Variants in NFIB observed in about 807,000 individuals in gnomAD.
NFIB encodes the protein nuclear factor I B, also known as nuclear factor 1 B-type.
NFIB carries 11 observed loss-of-function variants against 61.5 expected under a neutral mutation model. That is an observed-to-expected ratio of 0.18 (90% CI 0.11 to 0.30). NFIB has a LOEUF of 0.30. Among genes scored for constraint, NFIB ranks in the 10% least tolerant of loss-of-function variants. NFIB has a pLI of 1.00. For synonymous variants in NFIB, 260 were observed against 216.5 expected (o/e 1.20, Z -1.76); for missense variants, 471 against 608.9 (o/e 0.77, Z 2.38).
At chr9:14,413,966 A>G in the NFIB span, among the ~76,000 whole-genome samples, 5 of 152,222 alleles carry the variant, frequency 3.3e-5, no homozygotes, top group Admixed American at 6.5e-5. Context: ...ACTTGGTTCA[A>G]GGGTTTGAAC....
chr9:14,366,537 G>T (rs2061302219), intron 1 of NFIB, among the ~76,000 whole-genome samples: 1 of 151,714 alleles, frequency 6.6e-6, no homozygotes, highest in Admixed American at 6.6e-5. Flanking sequence ...CCAGGCTGGA[G>T]TGCAGTGACA....
intron 2 of NFIB, among the ~76,000 whole-genome samples, chr9:14,275,674 T>C (rs1331886676): frequency 1.3e-5 from 2 of 152,114 alleles, no homozygotes; most frequent in Non-Finnish European, 2.9e-5. Context: ...TGCTATCCTA[T>C]ATGGCATACT....
intron 2 of NFIB, among the ~76,000 whole-genome samples, chr9:14,279,808 A>G (rs1251446238): frequency 1.3e-5 from 2 of 152,188 alleles, no homozygotes; most frequent in Non-Finnish European, 2.9e-5. Flanking sequence ...TCCCAAATGT[A>G]AACAATGGTC....
intron 2 of NFIB, among the ~76,000 whole-genome samples, chr9:14,293,115 C>A (rs996786801): frequency 1.3e-5 from 2 of 152,098 alleles, no homozygotes; most frequent in African/African-American, 4.8e-5. Flanking sequence ...GTTTTCAGTG[C>A]GTTACAATGA....
At chr9:14,097,274 C>G (rs572521070) in intron 10 of NFIB, among the ~76,000 whole-genome samples, 1 of 152,130 alleles carries the variant, frequency 6.6e-6, no homozygotes, top group Non-Finnish European at 1.5e-5. Flanking sequence ...AAAGATTCTT[C>G]CATTCATCTA....
At chr9:14,349,908 C>A (rs370332439) in intron 1 of NFIB, among the ~76,000 whole-genome samples, 135 of 152,302 alleles carry the variant, frequency 8.9e-4, no homozygotes, top group African/African-American at 2.9e-3. Flanking sequence ...TAAGTCACAC[C>A]CCCATTACCG....
chr9:14,406,834 T>C, the NFIB span, among the ~76,000 whole-genome samples: 5 of 152,344 alleles, frequency 3.3e-5, no homozygotes, highest in African/African-American at 1.2e-4. Context: ...TTGAAAACAT[T>C]TGTGGTCTTG....
rs1431285598 is a variant in NFIB, at chr9:14,313,058, G to A, written c.30+424C>T. 6.6e-6 allele frequency among the ~76,000 whole-genome samples: 1 copy of A among 152,214 alleles called. No individual in the cohort carries two copies. The highest frequency in any genetic ancestry group is 6.5e-5 in the Admixed American group (1 of 15,292). ...TACAGTCCCCTCGCCCAAGTTCACT[G>A]GCTGTTTTTAAAAGCTTAGTCCCCC... On this transcript the variant is annotated intron_variant, in intron 1 of 10. Transcript: ENST00000380953. This position sits in a 1 kb window ranked among gnomAD's most constrained non-coding sequence, Gnocchi z 4.5.
At chr9:14,473,489 G>T in the NFIB span, among the ~76,000 whole-genome samples, 6 of 152,198 alleles carry the variant, frequency 3.9e-5, no homozygotes, top group African/African-American at 1.4e-4. Context: ...AGATTCAACA[G>T]GCCTAAAGGA....
At chr9:14,392,463 C>CA (rs879304009) in intron 1 of NFIB, among the ~76,000 whole-genome samples, 1 of 152,200 alleles carries the variant, frequency 6.6e-6, no homozygotes, top group Non-Finnish European at 1.5e-5. Flanking sequence ...CACAGTGGCT[C>CA]AGGCCTATAA....
chr9:14,366,741 C>T (rs2061304622), intron 1 of NFIB, among the ~76,000 whole-genome samples: 3 of 152,122 alleles, frequency 2.0e-5, no homozygotes, highest in South Asian at 2.1e-4. Flanking sequence ...GCCTCGGCCT[C>T]CCAAAGTGTT....
At chr9:14,230,488 G>C (rs1488888103) in intron 2 of NFIB, among the ~76,000 whole-genome samples, 1 of 152,198 alleles carries the variant, frequency 6.6e-6, no homozygotes. Flanking sequence ...GCTTCTCCTA[G>C]AATGTAAGTC....
At chr9:14,186,516 G>C (rs1161683435) in intron 2 of NFIB, among the ~76,000 whole-genome samples, 3 of 152,118 alleles carry the variant, frequency 2.0e-5, no homozygotes, top group Admixed American at 1.3e-4. Context: ...ACAAAAGCTT[G>C]ACGGAAGGAA....
chr9:14,163,723 ACTAACTTCATATCATT>A (rs2044457922), intron 3 of NFIB, among the ~76,000 whole-genome samples: 1 of 152,000 alleles, frequency 6.6e-6, no homozygotes, highest in South Asian at 2.1e-4. Flanking sequence ...TTAGACAAAG[ACTAACTTCATATCATT>A]CAAATACAAA....
upstream of NFIB, chr9:14,314,254 G>T: frequency 1.4e-6 from 1 of 691,468 alleles, no homozygotes; most frequent in Non-Finnish European, 1.8e-6. Context: ...CTCTGGGGCG[G>T]AAGAGGCTCG....
intron 2 of NFIB, among the ~76,000 whole-genome samples, chr9:14,256,838 C>T (rs1047907814): frequency 5.3e-5 from 8 of 152,110 alleles, no homozygotes; most frequent in African/African-American, 1.7e-4. Flanking sequence ...ATCCTGAGGC[C>T]GTTAACTTCC....
At chr9:14,345,176 T>G (rs1588341635) in intron 1 of NFIB, among the ~76,000 whole-genome samples, 1 of 152,286 alleles carries the variant, frequency 6.6e-6, no homozygotes, top group African/African-American at 2.4e-5. Context: ...GAGCTGCTTT[T>G]TATTCATTTG....
At chr9:14,435,087 G>T in the NFIB span, among the ~76,000 whole-genome samples, 5 of 152,192 alleles carry the variant, frequency 3.3e-5, no homozygotes, top group East Asian at 5.8e-4. Context: ...TACATCTTCC[G>T]TCTATGGCCA....
chr9:14,231,127 AAAAAAAAAATAT>A lies in NFIB; in HGVS notation c.563-51359_563-51348del, dbSNP rs1405984194. Among the ~76,000 whole-genome samples, 72 of 77,256 alleles carry A rather than the reference AAAAAAAAAATAT, an allele frequency of 9.3e-4. 1 individual carries two copies. The East Asian group carries it at 0.028, about 30-fold the overall frequency. 50.7% of individuals were successfully genotyped at this position (77,256 alleles called of 152,430 possible). ...CTACAGTTTTTCCATGGGGAAAAAA[AAAAAAAAAATAT>A]ATATATATATATATATATATATATA... On this transcript the variant is annotated intron_variant, in intron 2 of 10. Coordinates refer to ENST00000380953, the MANE Select transcript of NFIB (RefSeq NM_001190737.2).
Sources: allele counts gnomAD v4.1 joint callset (sites outside exome capture counted in the v4.1 genomes callset), GRCh38; gene constraint gnomAD v4.1.1; non-coding constraint Gnocchi (gnomAD v3.1); transcripts MANE v1.5; gene names NCBI Gene and HGNC (gene_info 2026-07-23, HGNC 2026-07-21).